SASH1: variants seen among roughly 807,000 people sequenced by gnomAD.
The protein encoded by SASH1 is SAM and SH3 domain-containing protein 1.
In SASH1, 44 loss-of-function variants were observed where a neutral mutation model predicts 125.2. The observed-to-expected ratio is 0.35, with a 90% CI of 0.28 to 0.45. SASH1 has a LOEUF of 0.45. Ranked by LOEUF, SASH1 falls within the 20% of genes least tolerant of loss-of-function variation. The pLI is 1.00. For missense variants in SASH1, 1,426 were observed against 1,614.5 expected (o/e 0.88, Z 2.00); for synonymous variants, 639 against 649.1 (o/e 0.98, Z 0.24).
At chr6:148,447,988 C>G (rs570500630) in intron 4 of SASH1, among the ~76,000 whole-genome samples, 25 of 152,246 alleles carry the variant, frequency 1.6e-4, no homozygotes, top group Middle Eastern at 3.4e-3. Flanking sequence ...TCCATTCAAT[C>G]TTAAAACCTC....
chr6:148,442,259 T>A (rs1055479187), intron 4 of SASH1, among the ~76,000 whole-genome samples: 1 of 151,160 alleles, frequency 6.6e-6, no homozygotes, highest in African/African-American at 2.4e-5. Context: ...CCCCCAAAAT[T>A]AGCCAGGTGT....
intron 7 of SASH1, among the ~76,000 whole-genome samples, chr6:148,481,708 T>C (rs1470788869): frequency 6.6e-6 from 1 of 152,174 alleles, no homozygotes; most frequent in Non-Finnish European, 1.5e-5. Context: ...CACTATCTTA[T>C]ATGTTTAGGT....
intron 1 of SASH1, among the ~76,000 whole-genome samples, chr6:148,332,006 A>C (rs1781009411): frequency 6.6e-6 from 1 of 152,108 alleles, no homozygotes; most frequent in African/African-American, 2.4e-5. Context: ...AAGGATTTAC[A>C]TCCCTGCAGC....
the SASH1 span, among the ~76,000 whole-genome samples, chr6:148,226,481 C>T: frequency 1.3e-5 from 2 of 152,178 alleles, no homozygotes; most frequent in African/African-American, 4.8e-5. Flanking sequence ...CTACTTTTAT[C>T]TGTCAAAATG....
In SASH1 at chr6:148,519,569, G is replaced by C; in HGVS notation, c.885G>C (p.Glu295Asp). ...CAGGTGGGGAGGAGCACGTGTTTGA[G>C]AATTCGCCGGTCCTGGATGAACGGT... ...STEGGEEHVFENSPVLDERSA... is the reference protein window; with the variant it reads ...STEGGEEHVFDNSPVLDERSA... Residue 295 changes from glutamate (E) to aspartate (D), a missense_variant, in exon 10 of 20, where the codon GAG (glutamate) becomes GAC (aspartate). Coordinates refer to ENST00000367467, the MANE Select transcript of SASH1 (RefSeq NM_015278.5). This position sits in a 1 kb window ranked among gnomAD's most constrained non-coding sequence, Gnocchi z 4.8. 1 of 1,613,922 alleles carries C rather than the reference G, an allele frequency of 6.2e-7. No individual in the cohort carries two copies.
intron 1 of SASH1, among the ~76,000 whole-genome samples, chr6:148,324,082 T>G (rs1311790376): frequency 8.1e-6 from 1 of 122,922 alleles, no homozygotes; most frequent in African/African-American, 3.2e-5. Flanking sequence ...GTCATGCCAC[T>G]GCACGCCAGC....
At chr6:148,407,371 G>A (rs1026832231) in intron 2 of SASH1, among the ~76,000 whole-genome samples, 2 of 152,038 alleles carry the variant, frequency 1.3e-5, no homozygotes, top group African/African-American at 4.8e-5. Context: ...TTAGCTTTAT[G>A]CCCTCAGCGT....
Position 148,514,400 on chromosome 6 carries a change from G to T in SASH1, c.806G>T (p.Arg269Leu). ...KRLHKLVNSTRRVRKKLIRVE... is the reference protein window; with the variant it reads ...KRLHKLVNSTLRVRKKLIRVE... ...TTACACAAGCTGGTAAACTCCACTC[G>T]CAGAGTCAGAAAGAAACTAATTAGG... The change falls in exon 9 of 20, where the codon CGC becomes CTC. Residue 269 changes from arginine to leucine, a missense_variant. Arg to Leu is a moderately radical substitution (Grantham distance 102). Transcript: ENST00000367467. The T allele has an allele frequency of 6.4e-7, 1 of 1,551,728 alleles. No homozygotes were observed. Among genetic ancestry groups the T allele is most frequent in the Non-Finnish European group, 8.7e-7 (1 of 1,147,800 alleles).
At chr6:148,250,319 G>A in the SASH1 span, among the ~76,000 whole-genome samples, 7 of 151,916 alleles carry the variant, frequency 4.6e-5, no homozygotes, top group African/African-American at 9.7e-5. Context: ...TATCTGCCTC[G>A]GCTCCTAAAA....
chr6:148,198,457 C>T, the SASH1 span, among the ~76,000 whole-genome samples: 5 of 152,218 alleles, frequency 3.3e-5, no homozygotes, highest in Non-Finnish European at 7.3e-5. Flanking sequence ...TATTTGGCTA[C>T]TTGGCAGCAT....
chr6:148,244,027 G>C, the SASH1 span, among the ~76,000 whole-genome samples: 1 of 152,164 alleles, frequency 6.6e-6, no homozygotes, highest in Non-Finnish European at 1.5e-5. Context: ...GATGAGATTG[G>C]TTTCTGAGTT....
intron 1 of SASH1, among the ~76,000 whole-genome samples, chr6:148,369,372 G>T (rs1398472267): frequency 6.6e-6 from 1 of 152,184 alleles, no homozygotes; most frequent in Non-Finnish European, 1.5e-5. Flanking sequence ...TCATTATGAT[G>T]CAGGAAAGTT....
At chr6:148,415,636 A>C (rs1426672459) in intron 2 of SASH1, among the ~76,000 whole-genome samples, 1 of 152,224 alleles carries the variant, frequency 6.6e-6, no homozygotes, top group Non-Finnish European at 1.5e-5. Context: ...AGGTTTGAAC[A>C]CATGCTAGCA....
At chr6:148,365,332 G>A (rs1313071117) in intron 1 of SASH1, among the ~76,000 whole-genome samples, 2 of 151,480 alleles carry the variant, frequency 1.3e-5, no homozygotes, top group Non-Finnish European at 2.9e-5. Flanking sequence ...CCTACTATTT[G>A]TATCAGTCAT....
At chr6:148,320,463 C>G (rs931022197) in intron 1 of SASH1, among the ~76,000 whole-genome samples, 7 of 152,220 alleles carry the variant, frequency 4.6e-5, no homozygotes, top group Admixed American at 4.6e-4. Context: ...TATTCTGTTA[C>G]AGCAGGCTTT....
chr6:148,341,074 G>A (rs1251336765), upstream of SASH1, among the ~76,000 whole-genome samples: 4 of 152,144 alleles, frequency 2.6e-5, no homozygotes, highest in Admixed American at 1.3e-4. Context: ...GTTCAAGGCC[G>A]CAGTGAGCTA....
rs149100027 is a variant in SASH1 at position 148,482,820 on chromosome 6, C to A, written c.628-4794C>A. Among the ~76,000 whole-genome samples, 398 of 151,964 alleles carry A rather than the reference C, an allele frequency of 2.6e-3. 1 individual carries two copies. Among genetic ancestry groups the A allele is most frequent in the African/African-American group, 8.9e-3 (370 of 41,396 alleles). On this transcript the variant is annotated intron_variant, in intron 7 of 19. Coordinates refer to ENST00000367467, the MANE Select transcript of SASH1 (RefSeq NM_015278.5). The stretch of plus-strand genomic sequence containing the variant: ...TCTCCTGCCTCAGCCTCCCAAGTAG[C>A]TGGGACTACAGGCACGTGCCACAAC...
the SASH1 span, among the ~76,000 whole-genome samples, chr6:148,254,309 A>AGAGGGATAACAAC: frequency 6.6e-6 from 1 of 152,182 alleles, no homozygotes; most frequent in Non-Finnish European, 1.5e-5. Context: ...GAATATACAA[A>AGAGGGATAACAAC]GAGTGATAAC....
At chr6:148,352,640 AATAG>A (rs1196360447) in intron 1 of SASH1, among the ~76,000 whole-genome samples, 1 of 118,366 alleles carries the variant, frequency 8.4e-6, no homozygotes, top group Non-Finnish European at 1.8e-5. Context: ...TAAATAAATA[AATAG>A]AACTGTGCAT....
Sources: gnomAD v4.1 joint callset for allele counts (sites outside exome capture counted in the v4.1 genomes callset) on GRCh38, gnomAD v4.1.1 for gene constraint, Gnocchi (gnomAD v3.1) non-coding constraint, MANE v1.5 for transcripts, NCBI Gene and HGNC (gene_info 2026-07-23, HGNC 2026-07-21) for gene names.